EIF4G1: variants seen among roughly 807,000 people sequenced by gnomAD.
The protein encoded by EIF4G1 is EIF4-gamma.
A neutral mutation model predicts 187.8 loss-of-function variants in EIF4G1; 4 were observed. The observed-to-expected ratio is 0.02, with a 90% CI of 0.01 to 0.05. EIF4G1 has a LOEUF of 0.05. EIF4G1 is among the 10% of genes least tolerant of loss of function. EIF4G1 has a pLI of 1.00. For synonymous variants in EIF4G1, 844 were observed against 781.4 expected (o/e 1.08, Z -1.34); for missense variants, 1,647 against 2,081.1 (o/e 0.79, Z 4.06).
At chr3:184,316,646 T>A in intron 4 of EIF4G1, 3 of 1,481,860 alleles carry the variant, frequency 2.0e-6, no homozygotes, top group Non-Finnish European at 9.2e-7. Flanking sequence ...TCTTATTGCC[T>A]TCATTCCCTC....
rs1425293604 is a variant in EIF4G1 at position 184,323,128 on chromosome 3, G to A, written c.1975G>A (p.Gly659Ser). Residue 659 changes from glycine to serine, a missense_variant, in exon 14 of 33, where the codon GGC becomes AGC. Coordinates refer to ENST00000346169, the MANE Select transcript of EIF4G1 (RefSeq NM_198241.3). The surrounding 1 kb of genome is among the most constrained non-coding windows in gnomAD (Gnocchi z 6.9). ...GCCACTGGATCCCACTAGACTACAA[G>A]GCATAAATTGTGGCCCAGACTTCAC... ...LRPLDPTRLQGINCGPDFTPS... is the reference protein window; with the variant it reads ...LRPLDPTRLQSINCGPDFTPS... 6 of 1,614,064 alleles carry A rather than the reference G, an allele frequency of 3.7e-6. No individual in the cohort carries two copies. The highest frequency in any genetic ancestry group is 2.7e-5 in the African/African-American group (2 of 74,918).
intron 7 of EIF4G1, 98 bp from the exon 8 acceptor site, chr3:184,320,532 T>TG (rs1723713914): frequency 6.2e-7 from 1 of 1,603,664 alleles, no homozygotes; most frequent in African/African-American, 1.3e-5. Flanking sequence ...TGCTTCCCGC[T>TG]GGGGGGTGGG....
In EIF4G1 at chr3:184,331,460, T is replaced by C; in HGVS notation, c.4261-12T>C. The stretch of plus-strand genomic sequence containing the variant: ...AACCTTACCTCTTAACTGCGGGCCT[T>C]TTCCATTGCAGAAGGTGGAGTATAC... On this transcript the variant is annotated splice_polypyrimidine_tract_variant and intron_variant, in intron 29 of 32. Coordinates refer to ENST00000346169, the MANE Select transcript of EIF4G1 (RefSeq NM_198241.3). 6.2e-7 allele frequency: 1 copy of C among 1,614,180 alleles called. No individual in the cohort carries two copies. Among genetic ancestry groups the C allele is most frequent in the Non-Finnish European group, 8.5e-7 (1 of 1,180,034 alleles).
At position 184,327,633 on chromosome 3, in the gene EIF4G1, C is replaced by G; in HGVS notation, c.3709C>G (p.Leu1237Val). The part of the protein sequence containing the change: ...LPPVSPLKAA[L>V]SEEELEKKSK... ...CCCAGTGAGCCCCCTGAAGGCGGCTCTCTCTGAGGAGGAGTTAGAGAAGAA... is the reference window on the plus strand; with the variant it reads ...CCCAGTGAGCCCCCTGAAGGCGGCTGTCTCTGAGGAGGAGTTAGAGAAGAA... Residue 1237 changes from leucine to valine, a missense_variant, in exon 25 of 33, where the codon CTC becomes GTC. This residue lies in a region of EIF4G1 where 543 missense variants were observed against 638.0 expected (regional missense o/e 0.85). Transcript: ENST00000346169. 6.2e-7 allele frequency: 1 copy of G among 1,614,218 alleles called. No individual in the cohort carries two copies. The highest frequency in any genetic ancestry group is 8.5e-7 in the Non-Finnish European group (1 of 1,180,028).
In EIF4G1 at chr3:184,331,343, T is replaced by G; in HGVS notation, c.4239T>G (p.Ile1413Met). Residue 1413 changes from isoleucine (I) to methionine (M), a missense_variant, in exon 29 of 33, where the codon ATT becomes ATG. By Grantham distance (10) the Ile-to-Met change is conservative. Around this residue, in one of 11 missense-constraint regions of EIF4G1, gnomAD observed 543 missense variants for 638.0 expected, o/e 0.85. Coordinates refer to ENST00000346169, the MANE Select transcript of EIF4G1 (RefSeq NM_198241.3). ...AATTTCTACCTGAAGGCCAGGACAT[T>G]GGTGCATTCGTCGCTGAACAGGTTT... ...WKEFLPEGQD[I>M]GAFVAEQKVE... 1 of 1,614,188 alleles carries G rather than the reference T, an allele frequency of 6.2e-7. No homozygotes were observed. The highest frequency in any genetic ancestry group is 8.5e-7 in the Non-Finnish European group (1 of 1,180,034).
Position 184,327,489 on chromosome 3 carries a change from G to C in EIF4G1, c.3661+41G>C, listed in dbSNP as rs199547003. On this transcript the variant is annotated intron_variant, in intron 24 of 32. Transcript: ENST00000346169. Reference sequence around the variant, plus strand: ...AGGAATGGAGGGAAAGGCATTGGCTGCCTTGGGACTAGCTGGTCCCCAGCT... The same window carrying C: ...AGGAATGGAGGGAAAGGCATTGGCTCCCTTGGGACTAGCTGGTCCCCAGCT... 2.0e-4 allele frequency: 318 copies of C among 1,613,078 alleles called. 2 individuals are homozygous for C. The African/African-American group carries it at 3.9e-3, about 20-fold the overall frequency.
chr3:184,317,834 T>C lies in EIF4G1; in HGVS notation c.424+18T>C. The C allele has an allele frequency of 6.3e-7, 1 of 1,584,264 alleles. No individual in the cohort carries two copies. The highest frequency in any genetic ancestry group is 1.4e-5 in the African/African-American group (1 of 74,030). On this transcript the variant is annotated intron_variant, in intron 6 of 32. Transcript: ENST00000346169. ...GACCTACGGTAAGCAGGGGAGGGAG[T>C]CAGAGGTGAGAACAAGCCCAAGGGA...
chr3:184,329,163 T>C, intron 28 of EIF4G1, 173 bp downstream of exon 28: 1 of 734,414 alleles, frequency 1.4e-6, no homozygotes, highest in South Asian at 1.7e-5. Flanking sequence ...CACCAGTTCC[T>C]ATCATGAGTT....
rs1324203522 is a variant in EIF4G1, at chr3:184,323,628, T to G, written c.2274+35T>G. Reference sequence around the variant, plus strand: ...AGTCCTGCTTTTGGTCTCTCTCCATTTCTTCTCCAGGTCTGCCATCTGTGC... The same window carrying G: ...AGTCCTGCTTTTGGTCTCTCTCCATGTCTTCTCCAGGTCTGCCATCTGTGC... On this transcript the variant is annotated intron_variant, in intron 15 of 32. Coordinates refer to ENST00000346169, the MANE Select transcript of EIF4G1 (RefSeq NM_198241.3). The surrounding 1 kb of genome is among the most constrained non-coding windows in gnomAD (Gnocchi z 6.9). 1 of 1,613,426 alleles carries G rather than the reference T, an allele frequency of 6.2e-7. No individual in the cohort carries two copies.
At chr3:184,320,400 T>C in intron 7 of EIF4G1, 4 of 1,430,488 alleles carry the variant, frequency 2.8e-6, no homozygotes, top group Non-Finnish European at 3.7e-6. Flanking sequence ...AGGGGCATTG[T>C]GATGTACAGG....
At position 184,325,161 on chromosome 3, in the gene EIF4G1, G is replaced by A; in HGVS notation, c.2856+47G>A. On this transcript the variant is annotated intron_variant, in intron 18 of 32. Coordinates refer to ENST00000346169, the MANE Select transcript of EIF4G1 (RefSeq NM_198241.3). This position sits in a 1 kb window ranked among gnomAD's most constrained non-coding sequence, Gnocchi z 5.2. ...GGGGGATGGGCTGAAGCATATGTGGGGCTCACTGAGCCCACAATGATGGGG... is the reference window on the plus strand; with the variant it reads ...GGGGGATGGGCTGAAGCATATGTGGAGCTCACTGAGCCCACAATGATGGGG... The A allele has an allele frequency of 6.2e-7, 1 of 1,607,330 alleles. No homozygotes were observed. Among genetic ancestry groups the A allele is most frequent in the Non-Finnish European group, 8.5e-7 (1 of 1,173,884 alleles).
Position 184,317,739 on chromosome 3 carries a change from C to G in EIF4G1, c.347C>G (p.Pro116Arg). The G allele has an allele frequency of 1.2e-6, 2 of 1,614,080 alleles. No individual in the cohort carries two copies. The highest frequency in any genetic ancestry group is 1.1e-5 in the South Asian group (1 of 91,084). ...PGQGRSTYVV[P>R]TQQYPVQPGA... is the part of the protein sequence containing the mutation. ...CAGGGGCGTTCCACATACGTTGTCC[C>G]GACACAGCAGTACCCTGTGCAGCCA... Residue 116 changes from proline to arginine, a missense_variant, in exon 6 of 33, where the codon CCG (proline) becomes CGG (arginine). Coordinates refer to ENST00000346169, the MANE Select transcript of EIF4G1 (RefSeq NM_198241.3).
chr3:184,316,119 C>T lies in EIF4G1; in HGVS notation c.61-13C>T. 6.2e-7 allele frequency: 1 copy of T among 1,614,134 alleles called. No individual in the cohort carries two copies. The highest frequency in any genetic ancestry group is 8.5e-7 in the Non-Finnish European group (1 of 1,180,020). On this transcript the variant is annotated splice_polypyrimidine_tract_variant and intron_variant, in intron 3 of 32. Transcript: ENST00000346169. The stretch of plus-strand genomic sequence containing the variant: ...GCTTCCCCTCTTGCTGAACTCTGGT[C>T]TCCCCTCTTCAGCCAGCGTTTCCCC...
chr3:184,325,625 C>T lies in EIF4G1; in HGVS notation c.3107C>T (p.Pro1036Leu). Residue 1036 changes from proline to leucine, a missense_variant, in exon 20 of 33, where the codon CCA (proline) becomes CTA (leucine). Coordinates refer to ENST00000346169, the MANE Select transcript of EIF4G1 (RefSeq NM_198241.3). The surrounding 1 kb of genome is among the most constrained non-coding windows in gnomAD (Gnocchi z 5.2). Reference protein sequence around the residue: ...KGSDKRRGGPPGPPISRGLPL... With the variant: ...KGSDKRRGGPLGPPISRGLPL... The stretch of plus-strand genomic sequence containing the variant: ...AGTGACAAGCGTCGGGGCGGTCCTC[C>T]AGGCCCTCCCATCAGTGAGTTCCAA... 6.2e-7 allele frequency: 1 copy of T among 1,614,180 alleles called. No individual in the cohort carries two copies. Among genetic ancestry groups the T allele is most frequent in the South Asian group, 1.1e-5 (1 of 91,078 alleles).
intron 7 of EIF4G1, chr3:184,320,187 T>C: frequency 9.8e-7 from 1 of 1,018,542 alleles, no homozygotes; most frequent in Non-Finnish European, 1.2e-6. Context: ...CCTCAAGCCC[T>C]GGGCGTGGTG....
chr3:184,317,845 A>G, intron 6 of EIF4G1, 29 bp downstream of exon 6: 1 of 1,540,918 alleles, frequency 6.5e-7, no homozygotes, highest in Non-Finnish European at 9.0e-7. Flanking sequence ...CAGAGGTGAG[A>G]ACAAGCCCAA....
chr3:184,321,973 G>T lies in EIF4G1; in HGVS notation c.1389G>T (p.Glu463Asp). ...QEEEMEEEEE[E>D]EEGEAGEAGE... is the part of the protein sequence containing the mutation. ...AGGAAATGGAAGAAGAAGAAGAAGA[G>T]GAAGAAGGAGAAGCAGGAGAAGCAG... The change falls in exon 10 of 33, where the codon GAG becomes GAT. Residue 463 changes from glutamate to aspartate, a missense_variant. Glu to Asp is a conservative substitution (Grantham distance 45). Transcript: ENST00000346169. 1 of 1,613,782 alleles carries T rather than the reference G, an allele frequency of 6.2e-7. No individual in the cohort carries two copies. The highest frequency in any genetic ancestry group is 1.3e-5 in the African/African-American group (1 of 75,008).
Position 184,335,214 on chromosome 3 carries a change from A to C in EIF4G1, c.*306A>C. On this transcript the variant is annotated 3_prime_UTR_variant, in exon 33 of 33. Coordinates refer to ENST00000346169, the MANE Select transcript of EIF4G1 (RefSeq NM_198241.3). ...GCCTGCCCCTGGGGTCCTTTTTTTT[A>C]TTTTCTGAAAATCACTCTCGGGACT... is the stretch of plus-strand genomic sequence containing the variant. 1 of 355,598 alleles carries C rather than the reference A, an allele frequency of 2.8e-6. No homozygotes were observed. The highest frequency in any genetic ancestry group is 3.3e-5 in the South Asian group (1 of 29,938). 22.0% of individuals were successfully genotyped at this position (355,598 alleles called of 1,614,324 possible).
At chr3:184,331,209 G>A (rs1356830083) in intron 28 of EIF4G1, 57 bp from the exon 29 acceptor site, 123 of 1,573,266 alleles carry the variant, frequency 7.8e-5, no homozygotes, top group South Asian at 1.1e-5. Flanking sequence ...TGGTAGAGCT[G>A]TTGGGTCCTT....
Sources: gnomAD v4.1 joint callset for allele counts on GRCh38, gnomAD v4.1.1 for gene constraint, gnomAD v4.1.1 regional missense constraint, Gnocchi (gnomAD v3.1) non-coding constraint, MANE v1.5 for transcripts, NCBI Gene and HGNC (gene_info 2026-07-23, HGNC 2026-07-21) for gene names.